C10orf90: variants seen among roughly 807,000 people sequenced by gnomAD.
C10orf90 encodes chromosome 10 open reading frame 90.
C10orf90 carries 56 observed loss-of-function variants against 62.5 expected under a neutral mutation model. The observed-to-expected ratio is 0.90, with a 90% confidence interval of 0.72 to 1.12. C10orf90 has a LOEUF of 1.12. Ranked by LOEUF, C10orf90 falls within the 50% of genes most tolerant of loss-of-function variation. The pLI, the probability that C10orf90 is intolerant of heterozygous loss-of-function variation, is 0.00. For missense variants in C10orf90, 970 were observed against 880.4 expected, an observed-to-expected ratio of 1.10 and a Z score of -1.29; for synonymous variants, 386 against 340.4, an observed-to-expected ratio of 1.13 and a Z score of -1.47.
chr10:126,487,142 C>CAAAAAAAAAAAAAA (rs1158481155), intron 4 of C10orf90, among the ~76,000 whole-genome samples: 5 of 29,460 alleles, frequency 1.7e-4, no homozygotes, highest in African/African-American at 2.8e-4. Context: ...AAAACTCTGT[C>CAAAAAAAAAAAAAA]AAAAAAAAAA....
rs533276933 is a variant in C10orf90 at position 126,454,198 on chromosome 10, CT to C, written c.2188+4841del. Among the ~76,000 whole-genome samples, 477 of 152,118 alleles carry C rather than the reference CT, an allele frequency of 3.1e-3. 2 individuals carry two copies. The highest frequency in any genetic ancestry group is 4.4e-3 in the Non-Finnish European group (300 of 67,948). On this transcript the variant is annotated intron_variant, in intron 7 of 9. Transcript: ENST00000488181. ...TTACTGCCTGCAGTGGCTCTGCCCC[CT>C]ACTACTTGCAGGGGATATACCCCTA...
intron 5 of C10orf90, among the ~76,000 whole-genome samples, chr10:126,463,891 A>T (rs1290916386): frequency 6.6e-6 from 1 of 152,182 alleles, no homozygotes; most frequent in African/African-American, 2.4e-5. Context: ...GTGCTTAATA[A>T]ATGCTTCTCT....
chr10:126,459,257 T>C (rs1390062656), intron 6 of C10orf90, 40 bp from the exon 7 acceptor site: 1 of 1,607,562 alleles, frequency 6.2e-7, no homozygotes, highest in African/African-American at 1.3e-5. Context: ...TTAAGAGCAG[T>C]GACACAGAAA....
chr10:126,539,529 C>A (rs1239069710), intron 2 of C10orf90, among the ~76,000 whole-genome samples: 1 of 152,120 alleles, frequency 6.6e-6, no homozygotes, highest in Non-Finnish European at 1.5e-5. Flanking sequence ...AGTGATTCTT[C>A]TATTCACACA....
intron 2 of C10orf90, among the ~76,000 whole-genome samples, chr10:126,537,591 CTTGGA>C (rs1564862275): frequency 6.6e-6 from 1 of 152,198 alleles, no homozygotes; most frequent in Admixed American, 6.5e-5. Flanking sequence ...GATTAGGATC[CTTGGA>C]TTTCTCACCA....
chr10:126,483,711 G>C (rs535561510), intron 4 of C10orf90, among the ~76,000 whole-genome samples: 2 of 152,350 alleles, frequency 1.3e-5, no homozygotes, highest in African/African-American at 4.8e-5. Context: ...ACCAGATGCA[G>C]GTATTGTCAC....
At chr10:126,554,333 G>C (rs1164230449) in intron 2 of C10orf90, among the ~76,000 whole-genome samples, 2 of 152,170 alleles carry the variant, frequency 1.3e-5, no homozygotes, top group Non-Finnish European at 2.9e-5. Flanking sequence ...GATTGCAGTA[G>C]AAGTAGGAAT....
intron 2 of C10orf90, among the ~76,000 whole-genome samples, chr10:126,542,301 G>T (rs1292994346): frequency 6.6e-6 from 1 of 152,072 alleles, no homozygotes; most frequent in Non-Finnish European, 1.5e-5. Flanking sequence ...TTAGGAGTTT[G>T]AGTCCAGCTT....
At chr10:126,558,900 A>G (rs1222289177) in intron 2 of C10orf90, among the ~76,000 whole-genome samples, 1 of 152,248 alleles carries the variant, frequency 6.6e-6, no homozygotes, top group African/African-American at 2.4e-5. Flanking sequence ...GATGGACTGA[A>G]TCAGGCTGCC....
intron 7 of C10orf90, among the ~76,000 whole-genome samples, chr10:126,448,857 G>A (rs1028942880): frequency 6.6e-6 from 1 of 152,150 alleles, no homozygotes; most frequent in Non-Finnish European, 1.5e-5. Context: ...TCCTAACAGA[G>A]TCACAGTGAG....
At chr10:126,552,431 C>G (rs1164472021) in intron 2 of C10orf90, among the ~76,000 whole-genome samples, 1 of 152,188 alleles carries the variant, frequency 6.6e-6, no homozygotes, top group Non-Finnish European at 1.5e-5. Context: ...GAACCTCCCT[C>G]CACAACACCT....
chr10:126,537,024 C>CT (rs1198913709), intron 2 of C10orf90, among the ~76,000 whole-genome samples: 1 of 152,120 alleles, frequency 6.6e-6, no homozygotes, highest in East Asian at 1.9e-4. Flanking sequence ...CAGGTAATTG[C>CT]TTTTTTATCA....
intron 7 of C10orf90, among the ~76,000 whole-genome samples, chr10:126,440,713 G>A (rs901610143): frequency 2.6e-5 from 4 of 152,194 alleles, no homozygotes; most frequent in African/African-American, 9.7e-5. Flanking sequence ...TAACATCACA[G>A]GACTCTGTGC....
At chr10:126,459,547 A>G (rs572553102) in intron 6 of C10orf90, among the ~76,000 whole-genome samples, 1 of 152,306 alleles carries the variant, frequency 6.6e-6, no homozygotes, top group African/African-American at 2.4e-5. Context: ...TTCCCAAAAG[A>G]CGATCCAAAA....
chr10:126,459,150 T>A lies in C10orf90; in HGVS notation c.2078A>T (p.His693Leu). The change falls in exon 7 of 10, where the codon CAC becomes CTC. Residue 693 changes from histidine (H) to leucine (L), a missense_variant. By Grantham distance (99) the His-to-Leu change is moderately conservative (BLOSUM62 -3). Transcript: ENST00000488181. ...RSQERLKKLE[H>L]MVQQRKAQRK... is the part of the protein sequence containing the mutation. The stretch of plus-strand genomic sequence containing the variant: ...CTGGGCTTTCCTCTGCTGGACCATG[T>A]GTTCAAGCTTCTTCAGCCGTTCTTG... 6.2e-7 allele frequency: 1 copy of A among 1,614,242 alleles called. No individual in the cohort carries two copies. The highest frequency in any genetic ancestry group is 8.5e-7 in the Non-Finnish European group (1 of 1,180,056).
chr10:126,476,694 C>A (rs898333652), intron 4 of C10orf90, among the ~76,000 whole-genome samples: 47 of 152,284 alleles, frequency 3.1e-4, no homozygotes, highest in African/African-American at 1.1e-3. Flanking sequence ...CGCGGACTTC[C>A]GGAGTTATTT....
chr10:126,521,914 T>A (rs1280939322), intron 2 of C10orf90, among the ~76,000 whole-genome samples: 1 of 152,162 alleles, frequency 6.6e-6, no homozygotes, highest in Admixed American at 6.5e-5. Flanking sequence ...AACTGACTTT[T>A]AAAAAAAGCA....
chr10:126,505,210 G>A (rs1053149456), intron 3 of C10orf90, 125 bp from the exon 4 acceptor site: 3 of 902,266 alleles, frequency 3.3e-6, no homozygotes, highest in Non-Finnish European at 4.9e-6. Flanking sequence ...CTTGTCCAAG[G>A]CTTTTTACTG....
intron 2 of C10orf90, among the ~76,000 whole-genome samples, chr10:126,633,389 C>A (rs1845888183): frequency 6.6e-6 from 1 of 152,230 alleles, no homozygotes; most frequent in South Asian, 2.1e-4. Flanking sequence ...GAAGTACAGG[C>A]CAGGAGACAG....
Sources: allele counts gnomAD v4.1 joint callset (sites outside exome capture counted in the v4.1 genomes callset), GRCh38; gene constraint gnomAD v4.1.1; transcripts MANE v1.5; gene names NCBI Gene and HGNC (gene_info 2026-07-23, HGNC 2026-07-21).